TAF4B: variants seen among roughly 807,000 people sequenced by gnomAD.
The protein encoded by TAF4B is transcription initiation factor TFIID subunit 4B.
A neutral mutation model predicts 86.4 loss-of-function variants in TAF4B; 38 were observed. That is an observed-to-expected ratio of 0.44 (90% CI 0.34 to 0.58). The LOEUF (loss-of-function observed/expected upper bound fraction) is 0.58. Among genes scored for constraint, TAF4B ranks in the 20% least tolerant of loss-of-function variants. The pLI is 0.02. For missense variants in TAF4B, 988 were observed against 1,027.6 expected, an observed-to-expected ratio of 0.96 and a Z score of 0.53; for synonymous variants, 388 against 391.2, an observed-to-expected ratio of 0.99 and a Z score of 0.10.
At chr18:26,239,762 A>G (rs1335347757) in intron 1 of TAF4B, among the ~76,000 whole-genome samples, 4 of 152,128 alleles carry the variant, frequency 2.6e-5, no homozygotes, top group Non-Finnish European at 4.4e-5. Context: ...ATTAAGTTTT[A>G]TATAAGGTGT....
chr18:26,362,448 T>C (rs1418564251), intron 14 of TAF4B, among the ~76,000 whole-genome samples: 1 of 152,232 alleles, frequency 6.6e-6, no homozygotes, highest in African/African-American at 2.4e-5. Flanking sequence ...TCAATTCTTA[T>C]TCTCCTTTGA....
intron 5 of TAF4B, among the ~76,000 whole-genome samples, chr18:26,279,064 AG>A (rs1268272912): frequency 6.6e-6 from 1 of 151,966 alleles, no homozygotes; most frequent in Non-Finnish European, 1.5e-5. Flanking sequence ...GCCTCCAAAT[AG>A]GAAAAAAAAG....
chr18:26,353,551 C>T (rs570894846), intron 13 of TAF4B, among the ~76,000 whole-genome samples: 9 of 152,118 alleles, frequency 5.9e-5, no homozygotes, highest in Non-Finnish European at 8.8e-5. Flanking sequence ...GGCAACATAG[C>T]GAGATTCCTG....
intron 9 of TAF4B, among the ~76,000 whole-genome samples, chr18:26,302,770 T>G (rs924546862): frequency 3.9e-5 from 6 of 152,206 alleles, no homozygotes; most frequent in Non-Finnish European, 7.3e-5. Context: ...GGAAACCACT[T>G]GTTCTAGCAG....
rs2056523282 is a variant in TAF4B at position 26,286,379 on chromosome 18, T to G, written c.1470T>G (p.Ser490=). 6.2e-7 allele frequency: 1 copy of G among 1,614,144 alleles called. No homozygotes were observed. Among genetic ancestry groups the G allele is most frequent in the Admixed American group, 1.7e-5 (1 of 60,010 alleles). Residue 490 remains serine (S), a synonymous_variant, in exon 7 of 15, where the codon TCT becomes TCG. Transcript: ENST00000269142. ...CATCTGTGAAACCTGTTGTTTCTTCTGCTGGGACCACATCTGACAAGCCTG... is the reference window on the plus strand; with the variant it reads ...CATCTGTGAAACCTGTTGTTTCTTCGGCTGGGACCACATCTGACAAGCCTG... ...CLPSVKPVVS[S]AGTTSDKPVI...
At chr18:26,288,620 C>G (rs576000592) in intron 7 of TAF4B, among the ~76,000 whole-genome samples, 2 of 151,988 alleles carry the variant, frequency 1.3e-5, no homozygotes, top group South Asian at 4.2e-4. Context: ...GGGTGACGAG[C>G]GAAACTCGTC....
intron 14 of TAF4B, among the ~76,000 whole-genome samples, chr18:26,379,043 C>T (rs563612224): frequency 3.3e-5 from 5 of 152,092 alleles, no homozygotes; most frequent in East Asian, 1.9e-4. Flanking sequence ...GTTTTCATTC[C>T]TCTTTGCTAA....
intron 9 of TAF4B, among the ~76,000 whole-genome samples, chr18:26,299,495 A>T (rs993746127): frequency 6.6e-6 from 1 of 151,652 alleles, no homozygotes; most frequent in African/African-American, 2.4e-5. Flanking sequence ...TTGTTCTTAG[A>T]GTGTGTTTGC....
At chr18:26,288,737 CT>C (rs1291304118) in intron 7 of TAF4B, among the ~76,000 whole-genome samples, 1 of 152,132 alleles carries the variant, frequency 6.6e-6, no homozygotes, top group Non-Finnish European at 1.5e-5. Flanking sequence ...TTAGAAAGAA[CT>C]TCTAGGTTTC....
chr18:26,249,699 C>T (rs2055976149), intron 1 of TAF4B, among the ~76,000 whole-genome samples: 1 of 152,092 alleles, frequency 6.6e-6, no homozygotes, highest in South Asian at 2.1e-4. Context: ...TGACAATTTT[C>T]TATATTGTGA....
chr18:26,365,798 T>A (rs2057367642), intron 14 of TAF4B, among the ~76,000 whole-genome samples: 1 of 152,130 alleles, frequency 6.6e-6, no homozygotes, highest in Non-Finnish European at 1.5e-5. Flanking sequence ...TTGGTTTTGT[T>A]TTTTGTTTTG....
At chr18:26,374,283 C>G (rs756588133) in intron 14 of TAF4B, among the ~76,000 whole-genome samples, 2 of 152,034 alleles carry the variant, frequency 1.3e-5, no homozygotes. Context: ...AAAGGCTGTC[C>G]AGCTTTAAGA....
intron 9 of TAF4B, 61 bp downstream of exon 9, chr18:26,293,592 T>G: frequency 9.4e-7 from 1 of 1,065,562 alleles, no homozygotes. Flanking sequence ...AAAGGAGAGA[T>G]GACAGAATAA....
chr18:26,348,361 T>C (rs1212277867), intron 13 of TAF4B: 1 of 152,482 alleles, frequency 6.6e-6, no homozygotes, highest in African/African-American at 2.4e-5. Context: ...AGGTAATCCA[T>C]ATTGGAGAGA....
chr18:26,318,225 G>A (rs9965749), intron 10 of TAF4B, among the ~76,000 whole-genome samples: 10,539 of 152,118 alleles, frequency 0.069, 1,146 homozygotes, highest in African/African-American at 0.23. Flanking sequence ...TGTAGAGACA[G>A]GGTCTCACTA....
chr18:26,315,064 G>A lies in TAF4B; in HGVS notation c.1833-165G>A, dbSNP rs974365816. 3.8e-5 allele frequency among the ~76,000 whole-genome samples: 5 copies of A among 129,878 alleles called. No homozygotes were observed. In the East Asian group the frequency reaches 1.3e-3, roughly 35 times the overall value. The allele number at this position is 129,878 out of a possible 152,430, so 85.2% of individuals were successfully genotyped here. A position where few individuals can be genotyped will look rare whatever the true frequency, so the allele number is the denominator to read the frequency against. ...AGTAAAATAATGCCGTTAGTTACAA[G>A]GAGAGACCTCTAATTCTTTTGCTCT... On this transcript the variant is annotated intron_variant, in intron 9 of 14. Coordinates refer to ENST00000269142, the MANE Select transcript of TAF4B (RefSeq NM_005640.3).
At chr18:26,383,380 A>G (rs995082272) in intron 14 of TAF4B, among the ~76,000 whole-genome samples, 1 of 152,224 alleles carries the variant, frequency 6.6e-6, no homozygotes, top group African/African-American at 2.4e-5. Flanking sequence ...CTTAGAAACT[A>G]TTAAGGGGGT....
At chr18:26,381,407 C>T (rs2057477649) in intron 14 of TAF4B, among the ~76,000 whole-genome samples, 1 of 151,934 alleles carries the variant, frequency 6.6e-6, no homozygotes, top group African/African-American at 2.4e-5. Context: ...AATACCACTT[C>T]ACACAAAATG....
intron 13 of TAF4B, among the ~76,000 whole-genome samples, chr18:26,339,107 T>A (rs2057116056): frequency 6.6e-6 from 1 of 152,214 alleles, no homozygotes. Context: ...AAACGTTTTA[T>A]TTTCAACTTA....
Sources: allele counts gnomAD v4.1 joint callset (sites outside exome capture counted in the v4.1 genomes callset), GRCh38; gene constraint gnomAD v4.1.1; transcripts MANE v1.5; gene names NCBI Gene and HGNC (gene_info 2026-07-23, HGNC 2026-07-21).